The following MIPOL1 variants were observed in gnomAD, a reference collection of about 807,000 sequenced individuals.
MIPOL1 encodes the protein mirror-image polydactyly gene 1 protein.
In MIPOL1, 57 loss-of-function variants were observed where a neutral mutation model predicts 60.9. That is an observed-to-expected ratio of 0.94 (90% confidence interval 0.76 to 1.17). MIPOL1 has a LOEUF of 1.17. MIPOL1 is among the 50% of genes most tolerant of loss of function. The probability of loss-of-function intolerance (pLI) is 0.00; values close to 1 mark genes in which losing one functional copy is unlikely to be tolerated. For synonymous variants in MIPOL1, 179 were observed against 168.8 expected, an observed-to-expected ratio of 1.06 and a Z score of -0.47; for missense variants, 551 against 511.6, an observed-to-expected ratio of 1.08 and a Z score of -0.74.
chr14:37,296,766 A>G (rs562612433), intron 7 of MIPOL1, among the ~76,000 whole-genome samples: 3 of 152,326 alleles, frequency 2.0e-5, no homozygotes, highest in South Asian at 2.1e-4. Flanking sequence ...TAGAATTTGA[A>G]TCTCTGAATA....
At chr14:37,483,352 C>T (rs1034926561) in intron 11 of MIPOL1, among the ~76,000 whole-genome samples, 3 of 151,844 alleles carry the variant, frequency 2.0e-5, no homozygotes, top group Non-Finnish European at 4.4e-5. Flanking sequence ...TGGGCTCAAG[C>T]GATCGAACTG....
chr14:37,392,539 G>A (rs773041522), intron 10 of MIPOL1, among the ~76,000 whole-genome samples: 18 of 152,052 alleles, frequency 1.2e-4, no homozygotes, highest in Non-Finnish European at 2.4e-4. Flanking sequence ...TATTGCATGG[G>A]CTGTAAGTTA....
intron 12 of MIPOL1, among the ~76,000 whole-genome samples, chr14:37,537,002 C>CT (rs2095509217): frequency 6.6e-6 from 1 of 151,992 alleles, no homozygotes; most frequent in Non-Finnish European, 1.5e-5. Context: ...TGAAAGTTGG[C>CT]TTTTTTGCTG....
intron 10 of MIPOL1, among the ~76,000 whole-genome samples, chr14:37,371,200 A>G (rs141301864): frequency 5.3e-5 from 8 of 150,534 alleles, no homozygotes; most frequent in African/African-American, 1.7e-4. Flanking sequence ...GCTCACTTCA[A>G]ACTCTGCCCT....
At chr14:37,476,895 CTTTT>C (rs869027204) in intron 11 of MIPOL1, among the ~76,000 whole-genome samples, 5 of 87,334 alleles carry the variant, frequency 5.7e-5, no homozygotes, top group Admixed American at 1.4e-4. Context: ...CTTGTAATGT[CTTTT>C]TTTTTTTTTT....
chr14:37,377,182 C>G (rs970161775), intron 10 of MIPOL1, among the ~76,000 whole-genome samples: 1 of 152,164 alleles, frequency 6.6e-6, no homozygotes, highest in African/African-American at 2.4e-5. Context: ...CAGTCATACT[C>G]TCCTTTGCAT....
intron 10 of MIPOL1, among the ~76,000 whole-genome samples, chr14:37,376,162 T>C (rs555010734): frequency 2.0e-5 from 3 of 152,318 alleles, no homozygotes; most frequent in Non-Finnish European, 2.9e-5. Context: ...ACATTTGTTA[T>C]AGTTAGTGAA....
rs184899087 is a variant in MIPOL1 at position 37,426,411 on chromosome 14, T to C, written c.1031+3462T>C. 2.5e-3 allele frequency among the ~76,000 whole-genome samples: 372 copies of C among 150,648 alleles called. 1 individual carries two copies. Among genetic ancestry groups the C allele is most frequent in the African/African-American group, 8.9e-3 (364 of 40,942 alleles). On this transcript the variant is annotated intron_variant, in intron 11 of 12. Transcript: ENST00000684589. ...GATGAAACCCTGTCTCTACTAAAAA[T>C]ACAAAAAATTAGCCAGGTGTAGTGG... is the stretch of plus-strand genomic sequence containing the variant.
intron 9 of MIPOL1, among the ~76,000 whole-genome samples, chr14:37,329,209 A>G (rs1165957821): frequency 6.6e-6 from 1 of 152,046 alleles, no homozygotes; most frequent in East Asian, 1.9e-4. Flanking sequence ...ACTTACATAT[A>G]CACATCCATA....
chr14:37,290,202 A>T (rs113690269), intron 7 of MIPOL1, among the ~76,000 whole-genome samples: 1 of 151,962 alleles, frequency 6.6e-6, no homozygotes, highest in African/African-American at 2.4e-5. Flanking sequence ...CAGATTCCCC[A>T]TCCCCTTGTG....
At chr14:37,271,655 T>G (rs1377527336) in intron 6 of MIPOL1, among the ~76,000 whole-genome samples, 1 of 151,992 alleles carries the variant, frequency 6.6e-6, no homozygotes, top group South Asian at 2.1e-4. Flanking sequence ...AAATTAATAG[T>G]TTGTTAAAAA....
intron 12 of MIPOL1, among the ~76,000 whole-genome samples, chr14:37,520,718 A>G (rs1412910000): frequency 1.3e-5 from 2 of 152,104 alleles, no homozygotes; most frequent in African/African-American, 4.8e-5. Flanking sequence ...TTTTATTTAA[A>G]ACAATCTTTA....
At chr14:37,373,833 A>G (rs1007743548) in intron 10 of MIPOL1, among the ~76,000 whole-genome samples, 4 of 152,162 alleles carry the variant, frequency 2.6e-5, no homozygotes, top group African/African-American at 9.7e-5. Flanking sequence ...GAACAGTTCC[A>G]CAATAAACAT....
intron 9 of MIPOL1, among the ~76,000 whole-genome samples, chr14:37,321,045 A>G (rs1429510752): frequency 1.3e-5 from 2 of 151,998 alleles, no homozygotes; most frequent in Admixed American, 1.3e-4. Context: ...CCAGCTGTCA[A>G]ATGTTCTTCA....
chr14:37,241,888 TATTCCAAGAC>T (rs1972421476), intron 1 of MIPOL1, among the ~76,000 whole-genome samples: 1 of 152,192 alleles, frequency 6.6e-6, no homozygotes, highest in South Asian at 2.1e-4. Context: ...TGAACTTCTC[TATTCCAAGAC>T]ATTCTTGCCA....
At chr14:37,492,745 T>C (rs1053185850) in intron 11 of MIPOL1, among the ~76,000 whole-genome samples, 4 of 152,184 alleles carry the variant, frequency 2.6e-5, no homozygotes, top group Admixed American at 2.6e-4. Flanking sequence ...TCTCTTCATC[T>C]ACACCAGTTT....
chr14:37,381,414 G>A (rs186498035), intron 10 of MIPOL1, among the ~76,000 whole-genome samples: 62 of 152,064 alleles, frequency 4.1e-4, no homozygotes, highest in African/African-American at 1.5e-3. Context: ...AGGTGTCTCT[G>A]ATATATTTTT....
intron 10 of MIPOL1, chr14:37,401,778 G>A (rs1279444145): frequency 2.0e-5 from 3 of 152,150 alleles, no homozygotes. Context: ...ATCAGTGGAA[G>A]GTAGTCTATC....
chr14:37,290,086 A>G (rs1337455138), intron 7 of MIPOL1, among the ~76,000 whole-genome samples: 1 of 152,134 alleles, frequency 6.6e-6, no homozygotes, highest in Non-Finnish European at 1.5e-5. Flanking sequence ...TTGTATTCAA[A>G]TTTTTTGTGA....
Sources: allele counts gnomAD v4.1 joint callset (sites outside exome capture counted in the v4.1 genomes callset), GRCh38; gene constraint gnomAD v4.1.1; transcripts MANE v1.5; gene names NCBI Gene and HGNC (gene_info 2026-07-23, HGNC 2026-07-21).